Variants in ANKRD17 observed in about 807,000 individuals in gnomAD.
ANKRD17 encodes the protein ankyrin repeat domain 17.
A neutral mutation model predicts 229.7 loss-of-function variants in ANKRD17; 19 were observed. The ratio of observed to expected loss-of-function variants is 0.08; its 90% CI spans 0.06 to 0.12. The LOEUF is 0.12. Among genes scored for constraint, ANKRD17 ranks in the 10% least tolerant of loss-of-function variants. The pLI is 1.00. For synonymous variants in ANKRD17, 1,112 were observed against 1,146.1 expected, an observed-to-expected ratio of 0.97 and a Z score of 0.60; for missense variants, 2,176 against 3,176.8, an observed-to-expected ratio of 0.68 and a Z score of 7.57.
chr4:73,107,440 G>A (rs1020727904), intron 24 of ANKRD17, among the ~76,000 whole-genome samples: 2 of 152,204 alleles, frequency 1.3e-5, no homozygotes, highest in South Asian at 4.1e-4. Context: ...TTTACATTTA[G>A]TTGGTTAGGG....
intron 18 of ANKRD17, 52 bp from the exon 19 acceptor site, chr4:73,121,811 A>G (rs1213645102): frequency 1.3e-6 from 2 of 1,516,254 alleles, no homozygotes; most frequent in African/African-American, 1.4e-5. Flanking sequence ...ACAAATTACC[A>G]AAGTGTGTAT....
At chr4:73,249,772 C>T (rs1226514888) in intron 1 of ANKRD17, among the ~76,000 whole-genome samples, 2 of 152,242 alleles carry the variant, frequency 1.3e-5, no homozygotes, top group African/African-American at 4.8e-5. Flanking sequence ...AGAAGAATCA[C>T]TTGAATCTGG....
chr4:73,258,154 G>A (rs1480241724), intron 1 of ANKRD17, 122 bp downstream of exon 1: 2 of 1,504,682 alleles, frequency 1.3e-6, no homozygotes, highest in East Asian at 2.3e-5. Context: ...GGGGGCAGTC[G>A]AAAGCCTGGC....
In ANKRD17 at chr4:73,212,416, C is replaced by T. The variant is rs1012591978; in HGVS notation, c.394-34883G>A. ...TCTTCCATAATTCATAAAACATTTA[C>T]GAAACGATCCACCTGCCAAGATTAT... On this transcript the variant is annotated intron_variant, in intron 1 of 33. Coordinates refer to ENST00000358602, the MANE Select transcript of ANKRD17 (RefSeq NM_032217.5). Among the ~76,000 whole-genome samples the T allele has an allele frequency of 2.6e-5, 4 of 152,110 alleles. No homozygotes were observed. The South Asian group carries it at 6.2e-4, about 24-fold the overall frequency.
chr4:73,205,566 C>T (rs1382934996), intron 1 of ANKRD17, among the ~76,000 whole-genome samples: 3 of 152,110 alleles, frequency 2.0e-5, no homozygotes, highest in Non-Finnish European at 2.9e-5. Context: ...TACATCCTAT[C>T]TCACAACAAA....
At position 73,134,933 on chromosome 4, in the gene ANKRD17, T is replaced by C. The variant is rs528669501; in HGVS notation, c.3234+184A>G. Among the ~76,000 whole-genome samples the C allele has an allele frequency of 7.2e-5, 11 of 152,330 alleles. No individual in the cohort carries two copies. The South Asian group carries it at 2.3e-3, about 32-fold the overall frequency. On this transcript the variant is annotated intron_variant, in intron 16 of 33. Transcript: ENST00000358602. ...CTTGGAAACCAGACCATCACATAAT[T>C]ATCACTAATAATCTATATTTAGCAT... is the stretch of plus-strand genomic sequence containing the variant.
intron 1 of ANKRD17, among the ~76,000 whole-genome samples, chr4:73,186,418 A>C (rs1254124563): frequency 6.6e-6 from 1 of 152,086 alleles, no homozygotes; most frequent in African/African-American, 2.4e-5. Flanking sequence ...GATTATAGTA[A>C]ATAAAACTAA....
intron 15 of ANKRD17, among the ~76,000 whole-genome samples, chr4:73,136,442 A>C (rs570945662): frequency 6.6e-6 from 1 of 152,270 alleles, no homozygotes; most frequent in East Asian, 1.9e-4. Context: ...TTTACATGAA[A>C]TCCTTAGTTC....
chr4:73,220,488 T>C (rs1359538007), intron 1 of ANKRD17, among the ~76,000 whole-genome samples: 1 of 152,114 alleles, frequency 6.6e-6, no homozygotes, highest in Non-Finnish European at 1.5e-5. Flanking sequence ...TTTTAGAGAG[T>C]ATTTTACTTA....
intron 1 of ANKRD17, among the ~76,000 whole-genome samples, chr4:73,214,364 C>A (rs1385291897): frequency 6.6e-6 from 1 of 152,132 alleles, no homozygotes; most frequent in Non-Finnish European, 1.5e-5. Flanking sequence ...AACTTGTAAA[C>A]TGGGCAATAT....
At position 73,090,925 on chromosome 4, in the gene ANKRD17, G is replaced by A; in HGVS notation, c.6703C>T (p.His2235Tyr). ...STQSACQNSVHPANKPIAPNF... is the reference protein window; with the variant it reads ...STQSACQNSVYPANKPIAPNF... Reference sequence around the variant, plus strand: ...GGAGCAATAGGCTTATTTGCTGGATGTACTGAATTCTGACAAGCACTTTGT... The same window carrying A: ...GGAGCAATAGGCTTATTTGCTGGATATACTGAATTCTGACAAGCACTTTGT... The change falls in exon 29 of 34, where the codon CAT (histidine) becomes TAT (tyrosine). Residue 2235 changes from histidine (H) to tyrosine (Y), a missense_variant. His to Tyr is a moderately conservative substitution (Grantham distance 83, BLOSUM62 2). Around this residue, in one of 18 missense-constraint regions of ANKRD17, gnomAD observed 424 missense variants for 454.0 expected, o/e 0.93. Coordinates refer to ENST00000358602, the MANE Select transcript of ANKRD17 (RefSeq NM_032217.5). 1 of 1,614,250 alleles carries A rather than the reference G, an allele frequency of 6.2e-7. No homozygotes were observed. Among genetic ancestry groups the A allele is most frequent in the Middle Eastern group, 1.6e-4 (1 of 6,062 alleles).
At chr4:73,246,529 C>T (rs1744517361) in intron 1 of ANKRD17, among the ~76,000 whole-genome samples, 1 of 152,000 alleles carries the variant, frequency 6.6e-6, no homozygotes, top group African/African-American at 2.4e-5. Flanking sequence ...TGGTAGGTGG[C>T]CAGAAGGGTG....
rs1720860301 is a variant in ANKRD17, at chr4:73,073,978, G to C, written c.*2253C>G. ...TAAAAGACCTTCATGGTCTCAAAAA[G>C]TTATGGGTTTTTTTATTGTTCAAAT... On this transcript the variant is annotated 3_prime_UTR_variant, in exon 34 of 34. Coordinates refer to ENST00000358602, the MANE Select transcript of ANKRD17 (RefSeq NM_032217.5). 2.6e-5 allele frequency: 4 copies of C among 151,908 alleles called. No homozygotes were observed. Among genetic ancestry groups the C allele is most frequent in the Admixed American group, 2.6e-4 (4 of 15,258 alleles). The allele number at this position is 151,908 out of a possible 1,614,324, so 9.4% of individuals were successfully genotyped here. A position where few individuals can be genotyped will look rare whatever the true frequency, so the allele number is the denominator to read the frequency against.
chr4:73,141,203 T>A (rs1435236460), intron 14 of ANKRD17, among the ~76,000 whole-genome samples: 1 of 152,216 alleles, frequency 6.6e-6, no homozygotes, highest in Admixed American at 6.5e-5. Context: ...TTTGGGGACA[T>A]TACTTAAGAA....
chr4:73,186,287 C>G (rs185961128), intron 1 of ANKRD17, among the ~76,000 whole-genome samples: 1 of 151,824 alleles, frequency 6.6e-6, no homozygotes, highest in South Asian at 2.1e-4. Context: ...AGTAATGTCA[C>G]AGAACACTAA....
rs575423754 is a variant in ANKRD17, at chr4:73,091,292, C to T, written c.6336G>A (p.Pro2112=). The T allele has an allele frequency of 1.9e-5, 31 of 1,614,114 alleles. No homozygotes were observed. In the South Asian group the frequency reaches 2.0e-4, roughly 10 times the overall value. ...GTCTTGGTTCCTGAGAAACAGATCC[C>T]GGAGGTTGTTGCTGATTAGAATGAG... is the stretch of plus-strand genomic sequence containing the variant. ...SSAHSNQQQP[P]GSVSQEPRPP... is the part of the protein sequence containing the mutation. The change falls in exon 29 of 34, where the codon CCG becomes CCA. Residue 2112 remains proline, a synonymous_variant. Transcript: ENST00000358602.
chr4:73,177,339 TTACATAAC>T (rs1198232947), intron 2 of ANKRD17, 33 bp downstream of exon 2: 2 of 1,430,532 alleles, frequency 1.4e-6, no homozygotes, highest in Non-Finnish European at 1.9e-6. Context: ...ATGTGCAACT[TTACATAAC>T]AAGGTAGACT....
intron 27 of ANKRD17, 88 bp downstream of exon 27, chr4:73,097,029 G>A: frequency 6.9e-7 from 1 of 1,443,996 alleles, no homozygotes; most frequent in Non-Finnish European, 9.3e-7. Context: ...GCAACCTTTA[G>A]AAGAGTAGGA....
chr4:73,237,152 T>C (rs533248675), intron 1 of ANKRD17, among the ~76,000 whole-genome samples: 35 of 152,312 alleles, frequency 2.3e-4, no homozygotes, highest in Non-Finnish European at 4.6e-4. Context: ...CAGGAAGACC[T>C]TCGTATTTGA....
Sources: gnomAD v4.1 joint callset for allele counts (sites outside exome capture counted in the v4.1 genomes callset) on GRCh38, gnomAD v4.1.1 for gene constraint, gnomAD v4.1.1 regional missense constraint, MANE v1.5 for transcripts, NCBI Gene and HGNC (gene_info 2026-07-23, HGNC 2026-07-21) for gene names.